Variants in SETD1B observed in about 807,000 individuals in gnomAD.
The protein encoded by SETD1B is SET domain containing 1B, histone lysine methyltransferase.
Under a neutral mutation model 148.0 loss-of-function variants are expected in SETD1B, and 7 were observed. That is an observed-to-expected ratio of 0.05 (90% CI 0.03 to 0.09). The LOEUF (loss-of-function observed/expected upper bound fraction) is 0.09, where lower values mean the gene tolerates loss of function less well. Among genes scored for constraint, SETD1B ranks in the 10% least tolerant of loss-of-function variants. The probability of loss-of-function intolerance (pLI) is 1.00; values close to 1 mark genes in which losing one functional copy is unlikely to be tolerated. For synonymous variants in SETD1B, 1,361 were observed against 1,186.5 expected (o/e 1.15, Z -3.02); for missense variants, 2,155 against 2,729.9 (o/e 0.79, Z 4.69).
chr12:121,803,010 G>T (rs1395916583), upstream of SETD1B: 1 of 152,256 alleles, frequency 6.6e-6, no homozygotes, highest in Non-Finnish European at 1.5e-5. The surrounding 1 kb of genome is among the most constrained non-coding windows in gnomAD (Gnocchi z 4.7). Flanking sequence ...CTGATTGGCT[G>T]CCGCGCCCTG....
intron 11 of SETD1B, among the ~76,000 whole-genome samples, chr12:121,821,781 A>T (rs906543851): frequency 6.6e-6 from 1 of 152,132 alleles, no homozygotes; most frequent in Admixed American, 6.6e-5. Context: ...GTAAAAATAG[A>T]AAATGAAAAA....
At chr12:121,811,621 ACTC>A (rs1466497906) in intron 6 of SETD1B, among the ~76,000 whole-genome samples, 2 of 149,160 alleles carry the variant, frequency 1.3e-5, no homozygotes, top group African/African-American at 5.0e-5. Context: ...CCTTGGCTCC[ACTC>A]CTCCTTCTCG....
intron 6 of SETD1B, among the ~76,000 whole-genome samples, chr12:121,812,271 G>A (rs975030724): frequency 6.6e-6 from 1 of 152,206 alleles, no homozygotes; most frequent in Non-Finnish European, 1.5e-5. Flanking sequence ...GGTGCAGGGG[G>A]GGCTTTTCTT....
At chr12:121,793,125 G>T in the SETD1B span, 4 of 1,544,260 alleles carry the variant, frequency 2.6e-6, no homozygotes, top group African/African-American at 5.5e-5. Context: ...CGGACCCTCG[G>T]GCCCCCCGGC....
chr12:121,798,308 A>T, the SETD1B span, among the ~76,000 whole-genome samples: 1 of 152,232 alleles, frequency 6.6e-6, no homozygotes, highest in Non-Finnish European at 1.5e-5. Flanking sequence ...ACCACTCCAG[A>T]GGAGAACCGC....
chr12:121,816,623 G>A (rs1270731665), intron 7 of SETD1B, among the ~76,000 whole-genome samples: 2 of 152,228 alleles, frequency 1.3e-5, no homozygotes, highest in African/African-American at 2.4e-5. Flanking sequence ...AACCACAGGG[G>A]CAACCCCTTA....
intron 12 of SETD1B, among the ~76,000 whole-genome samples, chr12:121,824,849 C>CA (rs933804870): frequency 2.0e-4 from 31 of 151,666 alleles, no homozygotes; most frequent in South Asian, 6.2e-4. Flanking sequence ...CCCATCTCTA[C>CA]AAAAAAAATC....
At position 121,819,772 on chromosome 12, in the gene SETD1B, G is replaced by T; in HGVS notation, c.3787G>T (p.Ala1263Ser). 1 of 1,551,620 alleles carries T rather than the reference G, an allele frequency of 6.4e-7. No individual in the cohort carries two copies. Among genetic ancestry groups the T allele is most frequent in the Non-Finnish European group, 8.7e-7 (1 of 1,146,982 alleles). ...PPLPVGVEEP[A>S]DSREPPEEPG... ...CTTGCCTGTGGGTGTTGAAGAGCCAGCGGACTCCAGGGAGCCGCCTGAGGA... is the reference window on the plus strand; with the variant it reads ...CTTGCCTGTGGGTGTTGAAGAGCCATCGGACTCCAGGGAGCCGCCTGAGGA... Residue 1263 changes from alanine (A) to serine (S), a missense_variant, in exon 11 of 17, where the codon GCG becomes TCG. By Grantham distance (99) the Ala-to-Ser change is moderately conservative. Coordinates refer to ENST00000604567, the MANE Select transcript of SETD1B (RefSeq NM_001353345.2).
intron 6 of SETD1B, among the ~76,000 whole-genome samples, chr12:121,813,730 TTCTC>T (rs1175459799): frequency 6.6e-6 from 1 of 152,184 alleles, no homozygotes; most frequent in Non-Finnish European, 1.5e-5. Context: ...CCTGCCTTCT[TTCTC>T]TCCCTCACGT....
At position 121,810,058 on chromosome 12, in the gene SETD1B, A is replaced by G. The variant is rs568412963; in HGVS notation, c.1113A>G (p.Gln371=). The G allele has an allele frequency of 4.0e-5, 62 of 1,550,186 alleles. No individual in the cohort carries two copies. The Middle Eastern group carries it at 3.0e-3, about 75-fold the overall frequency. The change falls in exon 6 of 17, where the codon CAA becomes CAG. Residue 371 remains glutamine, a synonymous_variant. Coordinates refer to ENST00000604567, the MANE Select transcript of SETD1B (RefSeq NM_001353345.2). The surrounding 1 kb of genome is among the most constrained non-coding windows in gnomAD (Gnocchi z 7.6). The part of the protein sequence containing the change: ...GGSSGPPFKA[Q]PQDSATFAHT... The stretch of plus-strand genomic sequence containing the variant: ...GCAGCGGTCCCCCGTTCAAGGCTCA[A>G]CCACAGGATTCAGCCACATTTGCCC...
rs1480616530 is a variant in SETD1B, at chr12:121,805,183, C to T, written c.240C>T (p.Asn80=). 1.3e-6 allele frequency: 2 copies of T among 1,551,368 alleles called. No homozygotes were observed. Among genetic ancestry groups the T allele is most frequent in the Admixed American group, 2.0e-5 (1 of 51,002 alleles). The part of the protein sequence containing the change: ...DPRVVGIWTK[N]KELELSVPKF... ...GGGTCGTCGGGATCTGGACCAAAAA[C>T]AAGGAGCTGGAGCTGTCGGTGCCCA... Residue 80 remains asparagine, a synonymous_variant, in exon 3 of 17, where the codon AAC becomes AAT. Coordinates refer to ENST00000604567, the MANE Select transcript of SETD1B (RefSeq NM_001353345.2). This position sits in a 1 kb window ranked among gnomAD's most constrained non-coding sequence, Gnocchi z 4.2.
chr12:121,829,969 A>G lies in SETD1B; in HGVS notation c.5728-97A>G, dbSNP rs1877015331. 3 of 1,162,388 alleles carry G rather than the reference A, an allele frequency of 2.6e-6. No homozygotes were observed. In the African/African-American group the frequency reaches 4.9e-5, roughly 19 times the overall value. 72.0% of individuals were successfully genotyped at this position (1,162,388 alleles called of 1,614,324 possible). On this transcript the variant is annotated intron_variant, in intron 16 of 16. Coordinates refer to ENST00000604567, the MANE Select transcript of SETD1B (RefSeq NM_001353345.2). Reference sequence around the variant, plus strand: ...TGGGCTGGGGGTCACGTGGCATGTCAGGCCTTAAGCACAGGCCTGGTTGGG... The same window carrying G: ...TGGGCTGGGGGTCACGTGGCATGTCGGGCCTTAAGCACAGGCCTGGTTGGG...
Position 121,809,731 on chromosome 12 carries a change from C to T in SETD1B, c.786C>T (p.Arg262=), listed in dbSNP as rs1301243769. The change falls in exon 6 of 17, where the codon CGC becomes CGT. Residue 262 remains arginine (R), a synonymous_variant. Coordinates refer to ENST00000604567, the MANE Select transcript of SETD1B (RefSeq NM_001353345.2). ...AGGACACAGCTTATTCCAGCTGCCG[C>T]CTGGACACACCCAACTCCTATGGAC... is the stretch of plus-strand genomic sequence containing the variant. The part of the protein sequence containing the change: ...FSQDTAYSSC[R]LDTPNSYGQG... 9.0e-6 allele frequency: 14 copies of T among 1,551,492 alleles called. No homozygotes were observed. The highest frequency in any genetic ancestry group is 2.4e-5 in the South Asian group (2 of 84,064).
intron 12 of SETD1B, among the ~76,000 whole-genome samples, chr12:121,824,114 A>G (rs1245659971): frequency 2.6e-5 from 4 of 152,320 alleles, no homozygotes; most frequent in Admixed American, 1.3e-4. Context: ...GATGGGGGCT[A>G]TGATTCCCAT....
In SETD1B at chr12:121,822,815, C is replaced by G. The variant is rs1592988032; in HGVS notation, c.4236C>G (p.Ala1412=). 1 of 1,505,188 alleles carries G rather than the reference C, an allele frequency of 6.6e-7. No individual in the cohort carries two copies. The highest frequency in any genetic ancestry group is 1.3e-5 in the South Asian group (1 of 77,620). 93.2% of individuals were successfully genotyped at this position (1,505,188 alleles called of 1,614,324 possible). The part of the protein sequence containing the change: ...QVPGSPFSYP[A]PSPSLSSGGL... ...CCGGCAGCCCCTTCTCCTACCCAGCCCCGTCCCCTAGCTTGAGCAGTGGGG... is the reference window on the plus strand; with the variant it reads ...CCGGCAGCCCCTTCTCCTACCCAGCGCCGTCCCCTAGCTTGAGCAGTGGGG... The change falls in exon 12 of 17, where the codon GCC becomes GCG. Residue 1412 remains alanine, a synonymous_variant. Coordinates refer to ENST00000604567, the MANE Select transcript of SETD1B (RefSeq NM_001353345.2).
At chr12:121,829,923 C>A in intron 16 of SETD1B, 143 bp from the exon 17 acceptor site, 1 of 602,174 alleles carries the variant, frequency 1.7e-6, no homozygotes, top group South Asian at 3.2e-5. Flanking sequence ...GTCGGGGGAG[C>A]CAAGGTCCAG....
Position 121,804,821 on chromosome 12 carries a change from T to C in SETD1B, c.84T>C (p.His28=), listed in dbSNP as rs1264848570. The part of the protein sequence containing the change: ...PGPSGERRNH[H]WRSYKLMIDP... ...CTTCGGGCGAGAGGAGGAACCACCA[T>C]TGGAGAAGTTACAAGTTGATGATTG... Residue 28 remains histidine, a synonymous_variant, in exon 2 of 17, where the codon CAT becomes CAC. Transcript: ENST00000604567. This position sits in a 1 kb window ranked among gnomAD's most constrained non-coding sequence, Gnocchi z 4.6. The C allele has an allele frequency of 2.8e-5, 43 of 1,533,506 alleles. No homozygotes were observed. The East Asian group carries it at 5.6e-4, about 20-fold the overall frequency. 95.0% of individuals were successfully genotyped at this position (1,533,506 alleles called of 1,614,324 possible).
At chr12:121,794,083 C>T in the SETD1B span, 4,691 of 161,830 alleles carry the variant, frequency 0.029, 95 homozygotes, top group Non-Finnish European at 0.048. Flanking sequence ...CGAGAAGCCC[C>T]CGGCCTCCAG....
the SETD1B span, among the ~76,000 whole-genome samples, chr12:121,794,731 G>A: frequency 6.6e-6 from 1 of 152,128 alleles, no homozygotes; most frequent in Admixed American, 6.5e-5. Context: ...CCCTGGGCGG[G>A]CTGACTGCCC....
Sources: gnomAD v4.1 joint callset for allele counts (sites outside exome capture counted in the v4.1 genomes callset) on GRCh38, gnomAD v4.1.1 for gene constraint, Gnocchi (gnomAD v3.1) non-coding constraint, MANE v1.5 for transcripts, NCBI Gene and HGNC (gene_info 2026-07-23, HGNC 2026-07-21) for gene names.